The following ZNF704 variants were observed in gnomAD, a reference collection of about 807,000 sequenced individuals.
The protein encoded by ZNF704 is zinc finger protein 704, also known as glucocorticoid induced gene 1.
ZNF704 carries 10 observed loss-of-function variants against 44.7 expected under a neutral mutation model. The ratio of observed to expected loss-of-function variants is 0.22; its 90% CI spans 0.14 to 0.38. The LOEUF (loss-of-function observed/expected upper bound fraction) is 0.38, where lower values mean the gene tolerates loss of function less well. ZNF704 is among the 10% of genes least tolerant of loss of function. The pLI is 1.00. For synonymous variants in ZNF704, 211 were observed against 207.6 expected, an observed-to-expected ratio of 1.02 and a Z score of -0.14; for missense variants, 390 against 545.5, an observed-to-expected ratio of 0.71 and a Z score of 2.84.
intron 2 of ZNF704, among the ~76,000 whole-genome samples, chr8:80,727,089 A>G (rs1490247591): frequency 6.6e-6 from 1 of 152,228 alleles, no homozygotes; most frequent in African/African-American, 2.4e-5. Flanking sequence ...TCATAATGAT[A>G]GTACATATAT....
chr8:80,834,568 G>C (rs1441481700), intron 1 of ZNF704, among the ~76,000 whole-genome samples: 1 of 152,142 alleles, frequency 6.6e-6, no homozygotes, highest in Admixed American at 6.5e-5. Context: ...AGAACATGCA[G>C]GTTCGTTACA....
At chr8:80,696,445 T>C (rs1183244504) in intron 2 of ZNF704, among the ~76,000 whole-genome samples, 3 of 152,144 alleles carry the variant, frequency 2.0e-5, no homozygotes, top group Admixed American at 6.5e-5. Flanking sequence ...TGAGATGGAG[T>C]CTTGCTCTGT....
intron 1 of ZNF704, among the ~76,000 whole-genome samples, chr8:80,840,084 T>C (rs954030807): frequency 8.5e-5 from 13 of 152,218 alleles, no homozygotes; most frequent in Non-Finnish European, 1.8e-4. Context: ...TAAATGTTTA[T>C]TGAATTAATG....
intron 1 of ZNF704, among the ~76,000 whole-genome samples, chr8:80,863,711 T>TA (rs925835590): frequency 6.6e-6 from 1 of 152,208 alleles, no homozygotes; most frequent in Non-Finnish European, 1.5e-5. Context: ...AATATCCAAT[T>TA]AGAGTTATTA....
At chr8:80,807,276 C>T (rs566683105) in intron 2 of ZNF704, among the ~76,000 whole-genome samples, 2 of 152,242 alleles carry the variant, frequency 1.3e-5, no homozygotes, top group African/African-American at 4.8e-5. Flanking sequence ...ATAAACCTGC[C>T]TCTGGGTGCC....
intron 1 of ZNF704, among the ~76,000 whole-genome samples, chr8:80,871,078 C>G (rs1809244749): frequency 6.6e-6 from 1 of 152,120 alleles, no homozygotes; most frequent in South Asian, 2.1e-4. Context: ...TCTGAATTTG[C>G]CATCTCCTGC....
At chr8:80,784,175 G>T (rs964176176) in intron 2 of ZNF704, among the ~76,000 whole-genome samples, 1 of 152,128 alleles carries the variant, frequency 6.6e-6, no homozygotes, top group Non-Finnish European at 1.5e-5. Context: ...ACCTACTGAA[G>T]GACGTCATTG....
chr8:80,657,211 A>G (rs988785367), intron 7 of ZNF704, among the ~76,000 whole-genome samples: 1 of 152,118 alleles, frequency 6.6e-6, no homozygotes, highest in Non-Finnish European at 1.5e-5. Context: ...TTAGCAACAA[A>G]AAGAACATTC....
At chr8:80,666,640 C>T (rs1485231881) in intron 5 of ZNF704, among the ~76,000 whole-genome samples, 2 of 152,298 alleles carry the variant, frequency 1.3e-5, no homozygotes, top group African/African-American at 4.8e-5. Context: ...TTTCCTGACT[C>T]TTTAATGACT....
rs1274634185 is a variant in ZNF704 at position 80,874,665 on chromosome 8, G to T, written c.-116C>A. 1 of 152,076 alleles carries T rather than the reference G, an allele frequency of 6.6e-6. No homozygotes were observed. Among genetic ancestry groups the T allele is most frequent in the Non-Finnish European group, 1.5e-5 (1 of 68,016 alleles). 9.4% of individuals were successfully genotyped at this position (152,076 alleles called of 1,614,324 possible). On this transcript the variant is annotated 5_prime_UTR_variant, in exon 1 of 9. Coordinates refer to ENST00000327835, the MANE Select transcript of ZNF704 (RefSeq NM_001033723.3). The surrounding 1 kb of genome is among the most constrained non-coding windows in gnomAD (Gnocchi z 4.4). ...CCCATTCTTCCCTCCGGAGGGAGGGGAGTAGACTTCGCTGGAAGTAAGGTT... is the reference window on the plus strand; with the variant it reads ...CCCATTCTTCCCTCCGGAGGGAGGGTAGTAGACTTCGCTGGAAGTAAGGTT...
chr8:80,834,508 T>TTTTG (rs141017424), intron 1 of ZNF704, among the ~76,000 whole-genome samples: 31,750 of 151,770 alleles, frequency 0.21, 4,567 homozygotes, highest in African/African-American at 0.41. Flanking sequence ...GACAGCAAGT[T>TTTTG]TTTGTTTGTT....
chr8:80,678,329 A>C (rs1203997071), intron 4 of ZNF704, among the ~76,000 whole-genome samples: 2 of 151,988 alleles, frequency 1.3e-5, no homozygotes, highest in Non-Finnish European at 2.9e-5. Flanking sequence ...TTTCTCCTCG[A>C]CCTCTTCCTT....
intron 1 of ZNF704, among the ~76,000 whole-genome samples, chr8:80,848,993 T>A (rs976775623): frequency 6.6e-6 from 1 of 152,114 alleles, no homozygotes; most frequent in Non-Finnish European, 1.5e-5. Flanking sequence ...AAATAAGCCA[T>A]CACTACTGTT....
At chr8:80,818,881 CAGTG>C (rs1808218554) in intron 2 of ZNF704, among the ~76,000 whole-genome samples, 1 of 152,106 alleles carries the variant, frequency 6.6e-6, no homozygotes. Context: ...ACTTAGGTGA[CAGTG>C]GGAAGTCCGA....
At chr8:80,694,490 A>G (rs1818693638) in intron 2 of ZNF704, among the ~76,000 whole-genome samples, 1 of 152,254 alleles carries the variant, frequency 6.6e-6, no homozygotes, top group East Asian at 1.9e-4. Flanking sequence ...GAAGCCCAAC[A>G]GAGGATTAAT....
At chr8:80,663,165 AAGACAGGAGTTCG>A (rs1459471842) in intron 6 of ZNF704, among the ~76,000 whole-genome samples, 1 of 152,128 alleles carries the variant, frequency 6.6e-6, no homozygotes, top group Non-Finnish European at 1.5e-5. Context: ...GGACTGCTTG[AAGACAGGAGTTCG>A]AGACCAGCCT....
At chr8:80,696,945 C>T (rs75269337) in intron 2 of ZNF704, among the ~76,000 whole-genome samples, 7,282 of 152,238 alleles carry the variant, frequency 0.048, 238 homozygotes, top group Middle Eastern at 0.095. Flanking sequence ...CACGTTGGTG[C>T]TCAAAAAGTT....
intron 2 of ZNF704, among the ~76,000 whole-genome samples, chr8:80,735,487 TC>T (rs1403126493): frequency 6.6e-6 from 1 of 152,320 alleles, no homozygotes; most frequent in Non-Finnish European, 1.5e-5. Flanking sequence ...CTTCTAAAGT[TC>T]CCACACAAAA....
intron 7 of ZNF704, among the ~76,000 whole-genome samples, chr8:80,651,978 CA>C (rs1351643986): frequency 2.3e-4 from 35 of 152,076 alleles, no homozygotes; most frequent in Admixed American, 2.0e-3. Context: ...TCTCAGACCA[CA>C]GTGCAATCAA....
Sources: allele counts gnomAD v4.1 joint callset (sites outside exome capture counted in the v4.1 genomes callset), GRCh38; gene constraint gnomAD v4.1.1; non-coding constraint Gnocchi (gnomAD v3.1); transcripts MANE v1.5; gene names NCBI Gene and HGNC (gene_info 2026-07-23, HGNC 2026-07-21).